The following CCNJL variants were observed in gnomAD, a reference collection of about 807,000 sequenced individuals.
The protein encoded by CCNJL is cyclin J like.
A neutral mutation model predicts 33.4 loss-of-function variants in CCNJL; 33 were observed. That is an observed-to-expected ratio of 0.99 (90% CI 0.75 to 1.32). The LOEUF is 1.32. Among genes scored for constraint, CCNJL ranks in the 40% most tolerant of loss-of-function variants. The probability of loss-of-function intolerance (pLI) is 0.00; values close to 1 mark genes in which losing one functional copy is unlikely to be tolerated. For missense variants in CCNJL, 512 were observed against 499.7 expected, an observed-to-expected ratio of 1.02 and a Z score of -0.23; for synonymous variants, 227 against 220.9, an observed-to-expected ratio of 1.03 and a Z score of -0.24.
intron 3 of CCNJL, among the ~76,000 whole-genome samples, chr5:160,273,227 A>T (rs1048066154): frequency 1.3e-5 from 2 of 152,198 alleles, no homozygotes; most frequent in Non-Finnish European, 2.9e-5. Context: ...TCTGATCACA[A>T]CATTTCATCA....
rs1708894558 is a variant in CCNJL at position 160,259,554 on chromosome 5, G to C, written c.498C>G (p.Cys166Trp). ...GGGGGCAGGTGGTGGGCCAGGTGTG[G>C]CAGTGGTGGTCCTTCTGGCTGACGG... ...LASVSQKDHH[C>W]HTWPTTCPRK... The change falls in exon 4 of 6, where the codon TGC becomes TGG. Residue 166 changes from cysteine to tryptophan, a missense_variant. Transcript: ENST00000257536. The C allele has an allele frequency of 5.6e-6, 9 of 1,614,160 alleles. No individual in the cohort carries two copies. Among genetic ancestry groups the C allele is most frequent in the Non-Finnish European group, 7.6e-6 (9 of 1,179,984 alleles).
rs1039512397 is a variant in CCNJL at position 160,259,923 on chromosome 5, G to T, written c.281-152C>A. ...CGGAGGAATAGGAGCACACATTCCAGATCTGTCAAACCTAGGCTTGAATCC... is the reference window on the plus strand; with the variant it reads ...CGGAGGAATAGGAGCACACATTCCATATCTGTCAAACCTAGGCTTGAATCC... On this transcript the variant is annotated intron_variant, in intron 3 of 5. Coordinates refer to ENST00000257536, the MANE Select transcript of CCNJL (RefSeq NM_001308173.3). 1.1e-5 allele frequency: 7 copies of T among 656,774 alleles called. No homozygotes were observed. In the Admixed American group the frequency reaches 1.4e-4, roughly 14 times the overall value. 40.7% of individuals were successfully genotyped at this position (656,774 alleles called of 1,614,324 possible).
chr5:160,288,542 C>T (rs555078425), intron 2 of CCNJL, among the ~76,000 whole-genome samples: 2 of 151,940 alleles, frequency 1.3e-5, no homozygotes, highest in Admixed American at 6.6e-5. Context: ...TTTCTTTTTA[C>T]TAATTATAAA....
Position 160,339,411 on chromosome 5 carries a change from G to A in CCNJL, n.206+34C>T, listed in dbSNP as rs78417040. The A allele has an allele frequency of 4.8e-3, 1,864 of 389,824 alleles. 27 individuals are homozygous for A. Among genetic ancestry groups the A allele is most frequent in the African/African-American group, 0.035 (1,650 of 47,098 alleles). The allele number at this position is 389,824 out of a possible 1,614,324, so 24.1% of individuals were successfully genotyped here. A position where few individuals can be genotyped will look rare whatever the true frequency, so the allele number is the denominator to read the frequency against. ...AAAACCCCAAAACACATCCAAACACGTTCTTCAATTTAAATACATTAAGAT... is the reference window on the plus strand; with the variant it reads ...AAAACCCCAAAACACATCCAAACACATTCTTCAATTTAAATACATTAAGAT... On this transcript the variant is annotated intron_variant and non_coding_transcript_variant, in intron 1 of 7. Coordinates refer to the CCNJL transcript ENST00000377503.
chr5:160,321,353 G>C (rs1486377068), intron 1 of CCNJL, among the ~76,000 whole-genome samples: 2 of 152,172 alleles, frequency 1.3e-5, no homozygotes, highest in African/African-American at 2.4e-5. Context: ...GACAGTGAAA[G>C]GTGACCAGAC....
intron 2 of CCNJL, 116 bp downstream of exon 2, chr5:160,311,742 G>GA: frequency 4.2e-6 from 4 of 961,608 alleles, no homozygotes; most frequent in East Asian, 2.4e-5. Flanking sequence ...AGGGTAAGAG[G>GA]AAAAAAAGGC....
chr5:160,281,688 T>C (rs574957031), intron 2 of CCNJL, among the ~76,000 whole-genome samples: 1 of 152,272 alleles, frequency 6.6e-6, no homozygotes, highest in African/African-American at 2.4e-5. Context: ...TCTCCCCCTC[T>C]TACCCAGGCT....
chr5:160,319,309 T>C (rs958601133), intron 1 of CCNJL, among the ~76,000 whole-genome samples: 1 of 152,122 alleles, frequency 6.6e-6, no homozygotes, highest in Non-Finnish European at 1.5e-5. Flanking sequence ...AAGTCACCCA[T>C]CTCCTTTGTG....
intron 3 of CCNJL, among the ~76,000 whole-genome samples, chr5:160,272,214 G>A (rs1160398609): frequency 6.6e-6 from 1 of 152,126 alleles, no homozygotes; most frequent in South Asian, 2.1e-4. Context: ...ACCCCATCCC[G>A]TCCCCTGCCT....
intron 3 of CCNJL, among the ~76,000 whole-genome samples, chr5:160,273,638 G>C (rs902501900): frequency 1.6e-5 from 2 of 128,772 alleles, no homozygotes; most frequent in African/African-American, 5.9e-5. Flanking sequence ...CGAAAGTGCC[G>C]CCACTTTTTT....
chr5:160,256,862 G>A (rs1561770497), intron 4 of CCNJL, among the ~76,000 whole-genome samples: 1 of 151,592 alleles, frequency 6.6e-6, no homozygotes, highest in Admixed American at 6.6e-5. Context: ...AGGTTGCAGT[G>A]AGCTGAGATC....
chr5:160,258,675 T>C (rs900948586), intron 4 of CCNJL: 12 of 830,316 alleles, frequency 1.4e-5, no homozygotes, highest in Non-Finnish European at 2.3e-5. Flanking sequence ...TGCAGCTGTT[T>C]TACTTTAAAT....
intron 2 of CCNJL, among the ~76,000 whole-genome samples, chr5:160,307,732 C>T (rs1039999252): frequency 1.3e-5 from 2 of 152,086 alleles, no homozygotes; most frequent in Admixed American, 6.6e-5. Context: ...CTCCCACCCC[C>T]AGCAGAAAGG....
chr5:160,309,875 T>A (rs1170846986), intron 2 of CCNJL, among the ~76,000 whole-genome samples: 1 of 152,212 alleles, frequency 6.6e-6, no homozygotes, highest in Non-Finnish European at 1.5e-5. Flanking sequence ...CCTGCAAAAC[T>A]GGGACAAACT....
chr5:160,277,652 C>T (rs949581806), intron 3 of CCNJL, among the ~76,000 whole-genome samples: 5 of 152,070 alleles, frequency 3.3e-5, no homozygotes, highest in East Asian at 1.9e-4. Flanking sequence ...TCCTGTGGCC[C>T]GCAGACATGG....
intron 2 of CCNJL, 86 bp from the exon 3 acceptor site, chr5:160,280,824 T>C (rs1038909624): frequency 5.5e-6 from 5 of 901,582 alleles, no homozygotes; most frequent in Non-Finnish European, 8.9e-6. Context: ...CCTCAGGGCC[T>C]GAATGGGAGG....
chr5:160,306,480 C>A (rs1356672028), intron 2 of CCNJL, among the ~76,000 whole-genome samples: 1 of 152,040 alleles, frequency 6.6e-6, no homozygotes, highest in Admixed American at 6.6e-5. Flanking sequence ...AAGGAGGGAG[C>A]CCCTAGCCCC....
At chr5:160,279,287 A>G (rs1262268716) in intron 3 of CCNJL, among the ~76,000 whole-genome samples, 1 of 152,202 alleles carries the variant, frequency 6.6e-6, no homozygotes, top group Non-Finnish European at 1.5e-5. Flanking sequence ...AGAATGTAAA[A>G]TCTGACTGTC....
At chr5:160,271,881 C>T (rs1320829480) in intron 3 of CCNJL, among the ~76,000 whole-genome samples, 1 of 152,230 alleles carries the variant, frequency 6.6e-6, no homozygotes, top group Admixed American at 6.5e-5. Context: ...TTCCTCCTGA[C>T]CACTCTTGCA....
Sources: allele counts gnomAD v4.1 joint callset (sites outside exome capture counted in the v4.1 genomes callset), GRCh38; gene constraint gnomAD v4.1.1; transcripts MANE v1.5; gene names NCBI Gene and HGNC (gene_info 2026-07-23, HGNC 2026-07-21).